MDGA1: variants seen among roughly 807,000 people sequenced by gnomAD.
MDGA1 encodes MAM domain containing glycosylphosphatidylinositol anchor 1.
MDGA1 carries 54 observed loss-of-function variants against 101.5 expected under a neutral mutation model. The observed-to-expected ratio is 0.53, with a 90% CI of 0.43 to 0.67. The LOEUF (loss-of-function observed/expected upper bound fraction) is 0.67. Ranked by LOEUF, MDGA1 falls within the 30% of genes least tolerant of loss-of-function variation. The pLI, the probability that MDGA1 is intolerant of heterozygous loss-of-function variation, is 0.00. For synonymous variants in MDGA1, 533 were observed against 558.3 expected, an observed-to-expected ratio of 0.95 and a Z score of 0.64; for missense variants, 1,083 against 1,323.8, an observed-to-expected ratio of 0.82 and a Z score of 2.82.
intron 1 of MDGA1, among the ~76,000 whole-genome samples, chr6:37,693,732 A>G (rs544256569): frequency 6.6e-5 from 10 of 152,342 alleles, no homozygotes; most frequent in Middle Eastern, 3.4e-3. Context: ...CTGGCTTGCC[A>G]GAAAGCAGAT....
chr6:37,681,416 C>T (rs1251246070), intron 1 of MDGA1, among the ~76,000 whole-genome samples: 1 of 152,094 alleles, frequency 6.6e-6, no homozygotes, highest in South Asian at 2.1e-4. Flanking sequence ...GCTGGATGCC[C>T]GTGCCCACCC....
rs2114008740 is a variant in MDGA1 at position 37,645,920 on chromosome 6, T to C, written c.2248+13A>G. 2 of 1,613,900 alleles carry C rather than the reference T, an allele frequency of 1.2e-6. No homozygotes were observed. The highest frequency in any genetic ancestry group is 1.1e-5 in the South Asian group (1 of 91,068). ...AAGGGAAGGGGAAGTCATGGGTGAC[T>C]GGGGAGTCTCACCTGAAAGGTTCGG... On this transcript the variant is annotated intron_variant, in intron 12 of 16. Transcript: ENST00000434837.
chr6:37,682,426 G>A (rs1298413582), intron 1 of MDGA1, among the ~76,000 whole-genome samples: 1 of 152,240 alleles, frequency 6.6e-6, no homozygotes, highest in Non-Finnish European at 1.5e-5. Context: ...AGAGATTGCA[G>A]TGAGCCAAGA....
intron 1 of MDGA1, among the ~76,000 whole-genome samples, chr6:37,673,013 A>T (rs1340263978): frequency 1.4e-5 from 2 of 147,644 alleles, no homozygotes; most frequent in Non-Finnish European, 3.0e-5. Flanking sequence ...CTCTGCCAGC[A>T]ATATATTCAG....
intron 1 of MDGA1, among the ~76,000 whole-genome samples, chr6:37,685,564 C>T (rs1439741714): frequency 6.6e-6 from 1 of 152,206 alleles, no homozygotes; most frequent in Admixed American, 6.5e-5. Flanking sequence ...TCACACAGCC[C>T]ATCCGTCTCT....
chr6:37,648,700 G>T, intron 9 of MDGA1: 1 of 540,918 alleles, frequency 1.8e-6, no homozygotes. Flanking sequence ...GGCGGGCCTT[G>T]GAAGGCGAAG....
chr6:37,635,203 C>T lies in MDGA1; in HGVS notation c.*2165G>A. 2.8e-6 allele frequency: 1 copy of T among 360,296 alleles called. No individual in the cohort carries two copies. The allele number at this position is 360,296 out of a possible 1,614,324, so 22.3% of individuals were successfully genotyped here. A position where few individuals can be genotyped will look rare whatever the true frequency, so the allele number is the denominator to read the frequency against. On this transcript the variant is annotated 3_prime_UTR_variant, in exon 17 of 17. Transcript: ENST00000434837. ...AAGCAGCAATACTTTTTAAAGGACT[C>T]TGGTGGTTCTATTCTGCAGGCAAGG...
At position 37,655,036 on chromosome 6, in the gene MDGA1, T is replaced by C; in HGVS notation, c.580-104A>G. The C allele has an allele frequency of 7.2e-7, 1 of 1,382,144 alleles. No homozygotes were observed. Among genetic ancestry groups the C allele is most frequent in the Non-Finnish European group, 9.8e-7 (1 of 1,022,296 alleles). 85.6% of individuals were successfully genotyped at this position (1,382,144 alleles called of 1,614,324 possible). A position where few individuals can be genotyped will look rare whatever the true frequency, so the allele number is the denominator to read the frequency against. ...GAGCCTACCACAAATGCCTGTCTAA[T>C]TCCTCTCTTTCCATCCCCAACCCCA... On this transcript the variant is annotated intron_variant, in intron 4 of 16. Transcript: ENST00000434837. This position sits in a 1 kb window ranked among gnomAD's most constrained non-coding sequence, Gnocchi z 5.1.
At chr6:37,661,040 TA>T (rs1761612181) in intron 2 of MDGA1, among the ~76,000 whole-genome samples, 1 of 152,244 alleles carries the variant, frequency 6.6e-6, no homozygotes. Context: ...GCTACATTTT[TA>T]TCCACACCCT....
intron 14 of MDGA1, among the ~76,000 whole-genome samples, chr6:37,640,657 T>C (rs1764047665): frequency 6.6e-6 from 1 of 151,960 alleles, no homozygotes; most frequent in Admixed American, 6.6e-5. Flanking sequence ...CTGGATGTCC[T>C]CTGTAAAGGG....
At position 37,696,488 on chromosome 6, in the gene MDGA1, T is replaced by C. The variant is rs767230898; in HGVS notation, c.67+257A>G. Among the ~76,000 whole-genome samples, 1 of 152,112 alleles carries C rather than the reference T, an allele frequency of 6.6e-6. No homozygotes were observed. The highest frequency in any genetic ancestry group is 1.5e-5 in the Non-Finnish European group (1 of 67,994). Reference sequence around the variant, plus strand: ...GGGTGCTCTCAAGGGTTCCTAATCATTCCCACCTCTAGCAGGGTGTGGGAA... The same window carrying C: ...GGGTGCTCTCAAGGGTTCCTAATCACTCCCACCTCTAGCAGGGTGTGGGAA... On this transcript the variant is annotated intron_variant, in intron 1 of 16. Coordinates refer to ENST00000434837, the MANE Select transcript of MDGA1 (RefSeq NM_153487.4). The surrounding 1 kb of genome is among the most constrained non-coding windows in gnomAD (Gnocchi z 5.6).
chr6:37,683,514 G>A (rs865834207), intron 1 of MDGA1, among the ~76,000 whole-genome samples: 96 of 149,928 alleles, frequency 6.4e-4, no homozygotes, highest in African/African-American at 1.7e-3. Flanking sequence ...CAATGCCTGC[G>A]GGCACCTCTC....
chr6:37,678,876 TTAAA>T (rs1424461327), intron 1 of MDGA1, among the ~76,000 whole-genome samples: 5 of 151,850 alleles, frequency 3.3e-5, no homozygotes, highest in African/African-American at 7.3e-5. Flanking sequence ...ACCCTGCATA[TTAAA>T]TAGTCACTTG....
In MDGA1 at chr6:37,649,176, G is replaced by C. The variant is rs1366007323; in HGVS notation, c.1700C>G (p.Pro567Arg). The C allele has an allele frequency of 6.7e-7, 1 of 1,499,352 alleles. No homozygotes were observed. The highest frequency in any genetic ancestry group is 2.2e-5 in the Admixed American group (1 of 45,262). The allele number at this position is 1,499,352 out of a possible 1,614,324, so 92.9% of individuals were successfully genotyped here. The change falls in exon 9 of 17, where the codon CCC (proline) becomes CGC (arginine). Residue 567 changes from proline to arginine, a missense_variant. This residue lies in a region of MDGA1 where 657 missense variants were observed against 771.4 expected (regional missense o/e 0.85). Coordinates refer to ENST00000434837, the MANE Select transcript of MDGA1 (RefSeq NM_153487.4). Reference protein sequence around the residue: ...LLRCSLLRGSPQRIASAVWRF... With the variant: ...LLRCSLLRGSRQRIASAVWRF... ...CCACACAGCCGAGGCGATGCGCTGG[G>C]GGCTGCCTCGCAGCAGCGAGCAGCG...
At chr6:37,660,381 T>C (rs1761594547) in intron 2 of MDGA1, among the ~76,000 whole-genome samples, 1 of 152,128 alleles carries the variant, frequency 6.6e-6, no homozygotes, top group Non-Finnish European at 1.5e-5. Flanking sequence ...CCTAAATTTA[T>C]GTTGTAGCTT....
chr6:37,697,230 G>A lies in MDGA1; in HGVS notation c.-419C>T, dbSNP rs1581641196. The A allele has an allele frequency of 1.2e-5, 2 of 171,890 alleles. No homozygotes were observed. Among genetic ancestry groups the A allele is most frequent in the East Asian group, 3.4e-4 (2 of 5,850 alleles). 10.6% of individuals were successfully genotyped at this position (171,890 alleles called of 1,614,324 possible). A position where few individuals can be genotyped will look rare whatever the true frequency, so the allele number is the denominator to read the frequency against. Reference sequence around the variant, plus strand: ...CAAACTTGTCGTTTCCCCGCACTGGGGCCGCCCCTCAGCGGAGCGGAGTCG... The same window carrying A: ...CAAACTTGTCGTTTCCCCGCACTGGAGCCGCCCCTCAGCGGAGCGGAGTCG... On this transcript the variant is annotated 5_prime_UTR_variant, in exon 1 of 17. Coordinates refer to ENST00000434837, the MANE Select transcript of MDGA1 (RefSeq NM_153487.4).
chr6:37,666,968 A>G (rs763518418), intron 1 of MDGA1, among the ~76,000 whole-genome samples: 20 of 152,266 alleles, frequency 1.3e-4, no homozygotes, highest in Admixed American at 3.9e-4. Context: ...TGAAGAGAAC[A>G]CTACCAACCC....
chr6:37,670,216 T>C (rs1761838854), intron 1 of MDGA1, among the ~76,000 whole-genome samples: 1 of 152,196 alleles, frequency 6.6e-6, no homozygotes, highest in Non-Finnish European at 1.5e-5. Context: ...CCAAATAGTA[T>C]GTGCTGTCTC....
Position 37,638,123 on chromosome 6 carries a change from C to A in MDGA1, c.2776+82G>T, listed in dbSNP as rs1233096917. The A allele has an allele frequency of 8.7e-7, 1 of 1,149,606 alleles. No homozygotes were observed. The highest frequency in any genetic ancestry group is 1.3e-6 in the Non-Finnish European group (1 of 770,476). The allele number at this position is 1,149,606 out of a possible 1,614,324, so 71.2% of individuals were successfully genotyped here. ...TTCTGAACCCCTATTCAGACCCAAA[C>A]ACCCTCCCTCAACAGACAGGAACCC... On this transcript the variant is annotated intron_variant, in intron 16 of 16. Transcript: ENST00000434837. This position sits in a 1 kb window ranked among gnomAD's most constrained non-coding sequence, Gnocchi z 4.8.
Sources: gnomAD v4.1 joint callset for allele counts (sites outside exome capture counted in the v4.1 genomes callset) on GRCh38, gnomAD v4.1.1 for gene constraint, gnomAD v4.1.1 regional missense constraint, Gnocchi (gnomAD v3.1) non-coding constraint, MANE v1.5 for transcripts, NCBI Gene and HGNC (gene_info 2026-07-23, HGNC 2026-07-21) for gene names.